Variants in SYNPO2 observed in about 807,000 individuals in gnomAD.
SYNPO2 encodes synaptopodin 2.
SYNPO2 carries 56 observed loss-of-function variants against 85.0 expected under a neutral mutation model. The ratio of observed to expected loss-of-function variants is 0.66; its 90% CI spans 0.53 to 0.82. The LOEUF (loss-of-function observed/expected upper bound fraction) is 0.82, where lower values mean the gene tolerates loss of function less well. Among genes scored for constraint, SYNPO2 ranks in the 40% least tolerant of loss-of-function variants. The pLI, the probability that SYNPO2 is intolerant of heterozygous loss-of-function variation, is 0.00. For missense variants in SYNPO2, 1,575 were observed against 1,534.2 expected, an observed-to-expected ratio of 1.03 and a Z score of -0.44; for synonymous variants, 602 against 591.1, an observed-to-expected ratio of 1.02 and a Z score of -0.27.
At chr4:118,952,297 G>A (rs1057286133) in intron 1 of SYNPO2, among the ~76,000 whole-genome samples, 3 of 152,148 alleles carry the variant, frequency 2.0e-5, no homozygotes, top group Admixed American at 6.5e-5. Context: ...ATAGAGGATT[G>A]TTCCTTCTTC....
intron 1 of SYNPO2, among the ~76,000 whole-genome samples, chr4:118,926,987 C>T (rs994393228): frequency 2.0e-5 from 3 of 152,134 alleles, no homozygotes; most frequent in South Asian, 2.1e-4. Context: ...TTGGTCCCTG[C>T]GTAGGGCACC....
intron 1 of SYNPO2, among the ~76,000 whole-genome samples, chr4:118,945,432 A>G (rs1334182778): frequency 6.6e-6 from 1 of 152,198 alleles, no homozygotes; most frequent in Non-Finnish European, 1.5e-5. Context: ...CACTAACTAT[A>G]TCTTAGGCAG....
intron 1 of SYNPO2, among the ~76,000 whole-genome samples, chr4:118,971,953 G>T (rs1735555651): frequency 1.3e-5 from 2 of 152,144 alleles, no homozygotes; most frequent in Non-Finnish European, 2.9e-5. Context: ...ATTCTACAGG[G>T]ATAGACCTCA....
At chr4:118,895,854 G>C (rs1732534652) in intron 1 of SYNPO2, among the ~76,000 whole-genome samples, 1 of 152,136 alleles carries the variant, frequency 6.6e-6, no homozygotes, top group Non-Finnish European at 1.5e-5. Flanking sequence ...CTCTCTGTCA[G>C]TTAATTAGTG....
intron 1 of SYNPO2, among the ~76,000 whole-genome samples, chr4:118,927,752 TA>T (rs1247409781): frequency 4.2e-5 from 6 of 143,868 alleles, no homozygotes; most frequent in Admixed American, 2.8e-4. Context: ...AGATAGATGA[TA>T]GATAGATATA....
chr4:119,057,323 G>A (rs143296914), intron 4 of SYNPO2, 78 bp from the exon 5 acceptor site: 2 of 1,358,072 alleles, frequency 1.5e-6, no homozygotes, highest in Non-Finnish European at 2.0e-6. Flanking sequence ...GCTTGGTAAT[G>A]GTGCTAGGAA....
chr4:118,911,367 T>C (rs1214337240), intron 1 of SYNPO2, among the ~76,000 whole-genome samples: 1 of 152,152 alleles, frequency 6.6e-6, no homozygotes, highest in African/African-American at 2.4e-5. Flanking sequence ...CACAAGGAAT[T>C]TCTCTGCTTC....
intron 3 of SYNPO2, among the ~76,000 whole-genome samples, chr4:119,029,284 G>A (rs963315206): frequency 6.6e-6 from 1 of 151,866 alleles, no homozygotes; most frequent in African/African-American, 2.4e-5. Flanking sequence ...GATTTGGGGT[G>A]GTTGTCAGGG....
intron 4 of SYNPO2, among the ~76,000 whole-genome samples, chr4:119,047,549 A>G (rs909370216): frequency 7.4e-6 from 1 of 135,030 alleles, no homozygotes. Context: ...AACTCCAGTT[A>G]GTGGAGGTAA....
chr4:119,035,951 ACT>A, intron 4 of SYNPO2: 1 of 985,350 alleles, frequency 1.0e-6, no homozygotes, highest in South Asian at 4.7e-5. Context: ...CATGTCGAAC[ACT>A]CTGTGTGGCT....
chr4:118,949,610 G>A (rs1279757973), intron 1 of SYNPO2, among the ~76,000 whole-genome samples: 2 of 151,606 alleles, frequency 1.3e-5, no homozygotes, highest in Non-Finnish European at 2.9e-5. Context: ...TTAGCTGGGT[G>A]TAATGACACA....
rs769143425 is a variant in SYNPO2 at position 119,030,501 on chromosome 4, A to G, written c.1726A>G (p.Thr576Ala). The G allele has an allele frequency of 1.2e-6, 2 of 1,614,104 alleles. No homozygotes were observed. Among genetic ancestry groups the G allele is most frequent in the East Asian group, 4.5e-5 (2 of 44,864 alleles). Reference protein sequence around the residue: ...QQNGFSGTSETANIQRMVPMN... With the variant: ...QQNGFSGTSEAANIQRMVPMN... ...GAATGGCTTCAGTGGGACATCTGAG[A>G]CAGCAAACATCCAGAGGATGGTCCC... The change falls in exon 4 of 5, where the codon ACA (threonine) becomes GCA (alanine). Residue 576 changes from threonine to alanine, a missense_variant. Around this residue, in one of 3 missense-constraint regions of SYNPO2, gnomAD observed 1,508 missense variants for 1,446.8 expected, o/e 1.04. Coordinates refer to ENST00000307142, the MANE Select transcript of SYNPO2 (RefSeq NM_133477.3).
chr4:118,961,336 C>T (rs34248140), intron 1 of SYNPO2, among the ~76,000 whole-genome samples: 9,024 of 152,212 alleles, frequency 0.059, 363 homozygotes, highest in Middle Eastern at 0.096. Flanking sequence ...TCTGCTGCCT[C>T]ATCTCTGGCT....
chr4:119,055,037 C>G (rs928426777), intron 4 of SYNPO2, among the ~76,000 whole-genome samples: 3 of 152,240 alleles, frequency 2.0e-5, no homozygotes, highest in African/African-American at 7.2e-5. Context: ...CTCTTTATCA[C>G]ACTGAGTCTT....
At chr4:119,034,239 C>T in intron 4 of SYNPO2, 1 of 985,392 alleles carries the variant, frequency 1.0e-6, no homozygotes, top group Non-Finnish European at 1.2e-6. Context: ...GCTTTGCATT[C>T]TTAACATAGC....
At chr4:118,936,833 CAGG>C in intron 1 of SYNPO2, among the ~76,000 whole-genome samples, 1 of 152,278 alleles carries the variant, frequency 6.6e-6, no homozygotes, top group African/African-American at 2.4e-5. Flanking sequence ...CCATCAGACA[CAGG>C]AGAAGTGGGA....
chr4:118,950,113 C>A (rs889760768), intron 1 of SYNPO2, among the ~76,000 whole-genome samples: 1 of 152,056 alleles, frequency 6.6e-6, no homozygotes, highest in African/African-American at 2.4e-5. Context: ...ACATTCCATT[C>A]TCAATAATAC....
chr4:118,954,337 A>C (rs1387981), intron 1 of SYNPO2, among the ~76,000 whole-genome samples: 126,326 of 151,756 alleles, frequency 0.83, 53,202 homozygotes, highest in South Asian at 0.92. Context: ...TTTTTTTTCC[A>C]GTAACTCCAG....
chr4:118,977,231 G>A (rs183796949), intron 1 of SYNPO2, among the ~76,000 whole-genome samples: 1,803 of 152,336 alleles, frequency 0.012, 18 homozygotes, highest in East Asian at 0.054. Flanking sequence ...GAAATCGAGC[G>A]CAGCGCCGGT....
Sources: allele counts gnomAD v4.1 joint callset (sites outside exome capture counted in the v4.1 genomes callset), GRCh38; gene constraint gnomAD v4.1.1; regional missense constraint gnomAD v4.1.1; transcripts MANE v1.5; gene names NCBI Gene and HGNC (gene_info 2026-07-23, HGNC 2026-07-21).